The following USP34 variants were observed in gnomAD, a reference collection of about 807,000 sequenced individuals.
The protein encoded by USP34 is ubiquitin carboxyl-terminal hydrolase 34.
In USP34, 70 loss-of-function variants were observed where a neutral mutation model predicts 460.3. That is an observed-to-expected ratio of 0.15 (90% CI 0.13 to 0.19). The LOEUF (loss-of-function observed/expected upper bound fraction) is 0.19, where lower values mean the gene tolerates loss of function less well. Among genes scored for constraint, USP34 ranks in the 10% least tolerant of loss-of-function variants. The pLI is 1.00. For synonymous variants in USP34, 1,647 were observed against 1,405.3 expected (o/e 1.17, Z -3.85); for missense variants, 3,985 against 4,236.2 (o/e 0.94, Z 1.65).
chr2:61,446,435 G>C (rs1343384165), intron 1 of USP34, among the ~76,000 whole-genome samples: 2 of 152,050 alleles, frequency 1.3e-5, no homozygotes, highest in Non-Finnish European at 2.9e-5. Context: ...AAACTCAATG[G>C]TAATTTCTTA....
chr2:61,365,773 A>G (rs1478177467), intron 10 of USP34, among the ~76,000 whole-genome samples: 2 of 152,158 alleles, frequency 1.3e-5, no homozygotes, highest in Admixed American at 1.3e-4. Flanking sequence ...AACAATAAAA[A>G]CTGGGAGGTG....
chr2:61,360,349 G>T (rs1011314437), intron 10 of USP34, among the ~76,000 whole-genome samples: 4 of 152,018 alleles, frequency 2.6e-5, no homozygotes, highest in Admixed American at 6.6e-5. Flanking sequence ...ATACAGTAAA[G>T]CTGCTGGATC....
At chr2:61,219,889 CCTGT>C (rs1042276136) in intron 67 of USP34, among the ~76,000 whole-genome samples, 6 of 151,956 alleles carry the variant, frequency 3.9e-5, no homozygotes, top group East Asian at 3.9e-4. Flanking sequence ...TATGTGTCTA[CCTGT>C]CTAAGATCTT....
At chr2:61,454,566 T>C (rs1695376920) in intron 1 of USP34, among the ~76,000 whole-genome samples, 1 of 152,122 alleles carries the variant, frequency 6.6e-6, no homozygotes, top group Non-Finnish European at 1.5e-5. Flanking sequence ...TGTTCTTGTT[T>C]TGAGATGGAG....
chr2:61,405,254 A>AAAAAAG (rs1558575556), intron 3 of USP34, among the ~76,000 whole-genome samples: 2 of 97,434 alleles, frequency 2.1e-5, no homozygotes, highest in Admixed American at 1.2e-4. Context: ...AAAAAAAAAA[A>AAAAAAG]AAAGAAAGAA....
In USP34 at chr2:61,229,457, T is replaced by TAAAA. The variant is rs57231258; in HGVS notation, c.7199+87_7199+90dup. 3.3e-4 allele frequency: 126 copies of TAAAA among 382,092 alleles called. 1 individual carries two copies. The highest frequency in any genetic ancestry group is 1.4e-3 in the Middle Eastern group (2 of 1,388). The allele number at this position is 382,092 out of a possible 1,614,324, so 23.7% of individuals were successfully genotyped here. A position where few individuals can be genotyped will look rare whatever the true frequency, so the allele number is the denominator to read the frequency against. ...GGCAACATGAAGAAACCCTATCTCT[T>TAAAA]AAAAAAAAAAAAAAAAAACAAAAAA... On this transcript the variant is annotated intron_variant, in intron 59 of 79. Coordinates refer to ENST00000398571, the MANE Select transcript of USP34 (RefSeq NM_014709.4).
intron 3 of USP34, among the ~76,000 whole-genome samples, chr2:61,400,222 G>A (rs1189265476): frequency 1.3e-5 from 2 of 151,072 alleles, no homozygotes; most frequent in African/African-American, 2.4e-5. Flanking sequence ...CCATTCTCCC[G>A]CCTCAGCCTC....
intron 41 of USP34, among the ~76,000 whole-genome samples, chr2:61,276,227 T>C (rs1689368295): frequency 1.3e-5 from 2 of 152,230 alleles, no homozygotes; most frequent in African/African-American, 4.8e-5. Context: ...TGTATCCTTT[T>C]GTATACTAAC....
At chr2:61,215,601 C>A (rs1687373273) in intron 67 of USP34, among the ~76,000 whole-genome samples, 1 of 152,110 alleles carries the variant, frequency 6.6e-6, no homozygotes, top group Admixed American at 6.6e-5. Context: ...CTCACAATGA[C>A]CCTGGATGGA....
intron 10 of USP34, among the ~76,000 whole-genome samples, chr2:61,367,412 C>T (rs538828548): frequency 3.3e-5 from 5 of 152,296 alleles, no homozygotes; most frequent in African/African-American, 1.2e-4. Flanking sequence ...CCCAGAAGTT[C>T]AAGGCTGCAA....
chr2:61,470,549 G>C, intron 1 of USP34, 101 bp downstream of exon 1: 1 of 752,856 alleles, frequency 1.3e-6, no homozygotes, highest in Non-Finnish European at 2.1e-6. Flanking sequence ...CGCCCGGCCC[G>C]GCCGTCGCCT....
At chr2:61,203,432 G>C (rs1687029970) in intron 74 of USP34, among the ~76,000 whole-genome samples, 169 bp from the exon 75 acceptor site, 1 of 152,042 alleles carries the variant, frequency 6.6e-6, no homozygotes. Context: ...ATTGTCGTAA[G>C]TTTATTTTCA....
At chr2:61,264,892 G>T (rs1689001344) in intron 43 of USP34, among the ~76,000 whole-genome samples, 1 of 151,860 alleles carries the variant, frequency 6.6e-6, no homozygotes. Flanking sequence ...ATAGCCCACG[G>T]TAAAAAAGAA....
intron 62 of USP34, 185 bp downstream of exon 62, chr2:61,226,882 T>TATG (rs1687744570): frequency 5.7e-6 from 4 of 700,516 alleles, no homozygotes; most frequent in Non-Finnish European, 8.2e-6. Flanking sequence ...CTGAAATTCT[T>TATG]ATGCCACAAG....
At chr2:61,396,017 A>G (rs1693512475) in intron 3 of USP34, among the ~76,000 whole-genome samples, 2 of 151,504 alleles carry the variant, frequency 1.3e-5, no homozygotes, top group African/African-American at 4.9e-5. Context: ...AAATCACGCC[A>G]TTACACTCCA....
intron 1 of USP34, among the ~76,000 whole-genome samples, chr2:61,428,242 CAAAAA>C (rs370891797): frequency 1.0e-5 from 1 of 95,302 alleles, no homozygotes; most frequent in African/African-American, 3.8e-5. Context: ...TAATGATTCT[CAAAAA>C]AAAAAAAAAA....
At position 61,192,960 on chromosome 2, in the gene USP34, C is replaced by T. The variant is rs1198217497; in HGVS notation, c.9529G>A (p.Gly3177Ser). Residue 3177 changes from glycine to serine, a missense_variant, in exon 76 of 80, where the codon GGT becomes AGT. Transcript: ENST00000398571. ...AACAGTGCAAGATGAAGTGGCAAACCTTCATAGGCAACTAGGACACCTAAT... is the reference window on the plus strand; with the variant it reads ...AACAGTGCAAGATGAAGTGGCAAACTTTCATAGGCAACTAGGACACCTAAT... ...VKLSVLVAYEGLPLHLALFPK... is the reference protein window; with the variant it reads ...VKLSVLVAYESLPLHLALFPK... 2.5e-6 allele frequency: 4 copies of T among 1,613,674 alleles called. No individual in the cohort carries two copies. Among genetic ancestry groups the T allele is most frequent in the Non-Finnish European group, 3.4e-6 (4 of 1,179,780 alleles).
intron 18 of USP34, among the ~76,000 whole-genome samples, chr2:61,334,428 G>A (rs746517628): frequency 2.0e-5 from 3 of 152,060 alleles, no homozygotes; most frequent in African/African-American, 2.4e-5. Flanking sequence ...AAGTAGATCT[G>A]AGTCTGCCTA....
intron 18 of USP34, among the ~76,000 whole-genome samples, chr2:61,335,994 C>A (rs1278310276): frequency 6.6e-6 from 1 of 151,984 alleles, no homozygotes; most frequent in Non-Finnish European, 1.5e-5. Context: ...GATGATTTTG[C>A]CTAATCTAGG....
Sources: allele counts gnomAD v4.1 joint callset (sites outside exome capture counted in the v4.1 genomes callset), GRCh38; gene constraint gnomAD v4.1.1; transcripts MANE v1.5; gene names NCBI Gene and HGNC (gene_info 2026-07-23, HGNC 2026-07-21).